AJAP1: variants seen among roughly 807,000 people sequenced by gnomAD.
AJAP1 encodes the protein adherens junctions associated protein 1.
In AJAP1, 5 loss-of-function variants were observed where a neutral mutation model predicts 35.0. The observed-to-expected ratio is 0.14, with a 90% CI of 0.07 to 0.30. AJAP1 has a LOEUF of 0.30. Among genes scored for constraint, AJAP1 ranks in the 10% least tolerant of loss-of-function variants. The pLI is 1.00. For missense variants in AJAP1, 586 were observed against 571.0 expected, an observed-to-expected ratio of 1.03 and a Z score of -0.27; for synonymous variants, 284 against 249.3, an observed-to-expected ratio of 1.14 and a Z score of -1.31.
intron 2 of AJAP1, among the ~76,000 whole-genome samples, chr1:4,735,459 AG>A (rs1640899492): frequency 6.6e-6 from 1 of 152,196 alleles, no homozygotes; most frequent in Non-Finnish European, 1.5e-5. Flanking sequence ...TTTGCAGGAA[AG>A]GAGCCTGGTA....
chr1:4,702,068 C>CGTGTCCCCAGTGTTCTCAT (rs1640000750), intron 1 of AJAP1, among the ~76,000 whole-genome samples: 1 of 152,162 alleles, frequency 6.6e-6, no homozygotes, highest in Non-Finnish European at 1.5e-5. Context: ...AGTGTTCTAA[C>CGTGTCCCCAGTGTTCTCAT]GTGTCCCCAG....
At chr1:4,761,436 T>A (rs1641562529) in intron 2 of AJAP1, among the ~76,000 whole-genome samples, 1 of 152,098 alleles carries the variant, frequency 6.6e-6, no homozygotes, top group African/African-American at 2.4e-5. Context: ...AGTCCTAGGG[T>A]CAGGGGACAT....
At chr1:4,675,378 G>A (rs781168251) in intron 1 of AJAP1, among the ~76,000 whole-genome samples, 46 of 152,198 alleles carry the variant, frequency 3.0e-4, no homozygotes, top group Middle Eastern at 3.2e-3. Flanking sequence ...TGGAGTTTCC[G>A]GCCATCCTCT....
chr1:4,782,636 C>T lies in AJAP1; in HGVS notation c.*151C>T, dbSNP rs757891610. ...TGAGCTATCTAAGGGGGAGGGTCCCCGCACCTACCACTTCTGTTTGCCGGT... is the reference window on the plus strand; with the variant it reads ...TGAGCTATCTAAGGGGGAGGGTCCCTGCACCTACCACTTCTGTTTGCCGGT... On this transcript the variant is annotated 3_prime_UTR_variant, in exon 6 of 6. Transcript: ENST00000378191. The surrounding 1 kb of genome is among the most constrained non-coding windows in gnomAD (Gnocchi z 5.3). 5.5e-5 allele frequency: 22 copies of T among 397,978 alleles called. No homozygotes were observed. The highest frequency in any genetic ancestry group is 9.3e-5 in the Non-Finnish European group (21 of 226,014). The allele number at this position is 397,978 out of a possible 1,614,324, so 24.7% of individuals were successfully genotyped here. A position where few individuals can be genotyped will look rare whatever the true frequency, so the allele number is the denominator to read the frequency against.
At chr1:4,739,866 G>A (rs929629104) in intron 2 of AJAP1, among the ~76,000 whole-genome samples, 5 of 152,108 alleles carry the variant, frequency 3.3e-5, no homozygotes. Flanking sequence ...TGTGCCTTTG[G>A]CATCAGAGTG....
intron 2 of AJAP1, among the ~76,000 whole-genome samples, chr1:4,756,738 T>G (rs1320838881): frequency 6.6e-6 from 1 of 152,242 alleles, no homozygotes; most frequent in Non-Finnish European, 1.5e-5. Flanking sequence ...GAAACAAGTT[T>G]GCTTTCTGGA....
At chr1:4,697,676 C>T (rs984169669) in intron 1 of AJAP1, among the ~76,000 whole-genome samples, 12 of 152,364 alleles carry the variant, frequency 7.9e-5, no homozygotes, top group Non-Finnish European at 1.3e-4. Flanking sequence ...ATCTCCAAAA[C>T]GCCAGCCCCT....
intron 1 of AJAP1, among the ~76,000 whole-genome samples, chr1:4,674,042 CAAAAAAAA>C (rs57335438): frequency 2.4e-4 from 20 of 81,954 alleles, no homozygotes; most frequent in African/African-American, 8.8e-4. Context: ...CCCCCGCCAC[CAAAAAAAA>C]AAAAAAAAAA....
At chr1:4,740,830 T>TTTATCTTATG (rs1168573122) in intron 2 of AJAP1, among the ~76,000 whole-genome samples, 5 of 150,910 alleles carry the variant, frequency 3.3e-5, no homozygotes, top group African/African-American at 1.2e-4. Flanking sequence ...GATGGTCAAT[T>TTTATCTTATG]TTATCTTATG....
Position 4,671,117 on chromosome 1 carries a change from C to A in AJAP1, c.29+15663C>A, listed in dbSNP as rs567690315. 3.8e-3 allele frequency among the ~76,000 whole-genome samples: 577 copies of A among 152,274 alleles called. 1 individual carries two copies. The highest frequency in any genetic ancestry group is 0.011 in the South Asian group (51 of 4,830). On this transcript the variant is annotated intron_variant, in intron 1 of 5. Transcript: ENST00000378191. ...GGCACGGTAGCTCATGCCTGCAGTC[C>A]CAGCTCTTTGGGAGGCCGAGGTGGG...
In AJAP1 at chr1:4,662,561, G is replaced by A. The variant is rs1639023145; in HGVS notation, c.29+7107G>A. 2.0e-5 allele frequency among the ~76,000 whole-genome samples: 3 copies of A among 152,216 alleles called. No homozygotes were observed. The South Asian group carries it at 6.2e-4, about 32-fold the overall frequency. ...AACTTCGCGTGCACGCCTCGGGATG[G>A]ATGTTGTTTTCATTTCTCTTGCCTC... On this transcript the variant is annotated intron_variant, in intron 1 of 5. Transcript: ENST00000378191.
intron 2 of AJAP1, among the ~76,000 whole-genome samples, chr1:4,724,943 C>T (rs1640614584): frequency 6.6e-6 from 1 of 152,220 alleles, no homozygotes; most frequent in Admixed American, 6.5e-5. Flanking sequence ...GCACCCTCCC[C>T]TCTTGCTGCA....
chr1:4,781,710 G>A (rs779608765), intron 5 of AJAP1, among the ~76,000 whole-genome samples: 3 of 152,338 alleles, frequency 2.0e-5, no homozygotes, highest in Non-Finnish European at 2.9e-5. Flanking sequence ...TCCCTGTGAC[G>A]GAGATGCAGC....
chr1:4,699,710 G>A (rs929618156), intron 1 of AJAP1, among the ~76,000 whole-genome samples: 15 of 152,264 alleles, frequency 9.9e-5, no homozygotes, highest in African/African-American at 2.6e-4. Flanking sequence ...CCCTGCAGCC[G>A]AAAACTTCCC....
intron 2 of AJAP1, among the ~76,000 whole-genome samples, chr1:4,748,747 C>CAAAAAAA (rs70955802): frequency 1.5e-4 from 15 of 98,286 alleles, no homozygotes; most frequent in South Asian, 1.3e-3. Context: ...GACTCTGTCT[C>CAAAAAAA]AAAAAAAAAA....
rs1263891334 is a variant in AJAP1, at chr1:4,772,494, G to A, written c.1132G>A (p.Gly378Arg). 6.2e-7 allele frequency: 1 copy of A among 1,614,202 alleles called. No homozygotes were observed. The highest frequency in any genetic ancestry group is 8.5e-7 in the Non-Finnish European group (1 of 1,180,042). The change falls in exon 4 of 6, where the codon GGG becomes AGG. Residue 378 changes from glycine (G) to arginine (R), a missense_variant. Coordinates refer to ENST00000378191, the MANE Select transcript of AJAP1 (RefSeq NM_018836.4). ...YTDETLHSTT[G>R]EYKSTFNGNR... Reference sequence around the variant, plus strand: ...CGATGAGACGCTGCACTCGACGACGGGGGAGTACAAATCCACATTTAATGG... The same window carrying A: ...CGATGAGACGCTGCACTCGACGACGAGGGAGTACAAATCCACATTTAATGG...
Position 4,740,507 on chromosome 1 carries a change from C to T in AJAP1, c.829+27808C>T, listed in dbSNP as rs548240441. 4.4e-4 allele frequency among the ~76,000 whole-genome samples: 66 copies of T among 151,312 alleles called. 1 individual carries two copies. The highest frequency in any genetic ancestry group is 1.4e-3 in the African/African-American group (56 of 41,268). On this transcript the variant is annotated intron_variant, in intron 2 of 5. Transcript: ENST00000378191. ...ACTGTACGCTTAAAAAGTGGCTGGC[C>T]GGGCACGGTGGCTCACGCCTGTCAT...
intron 2 of AJAP1, among the ~76,000 whole-genome samples, chr1:4,731,157 T>C (rs1640788470): frequency 3.9e-5 from 6 of 152,228 alleles, no homozygotes; most frequent in Admixed American, 3.9e-4. Flanking sequence ...CTTGGCTCAC[T>C]GCAACCTCCG....
intron 2 of AJAP1, among the ~76,000 whole-genome samples, chr1:4,768,253 T>A (rs953715113): frequency 6.6e-5 from 10 of 152,196 alleles, no homozygotes; most frequent in Admixed American, 2.0e-4. Flanking sequence ...AACAAACAGT[T>A]CCTGAATCAG....
Sources: gnomAD v4.1 joint callset for allele counts (sites outside exome capture counted in the v4.1 genomes callset) on GRCh38, gnomAD v4.1.1 for gene constraint, Gnocchi (gnomAD v3.1) non-coding constraint, MANE v1.5 for transcripts, NCBI Gene and HGNC (gene_info 2026-07-23, HGNC 2026-07-21) for gene names.